The following LHFPL6 variants were observed in gnomAD, a reference collection of about 807,000 sequenced individuals.
The protein encoded by LHFPL6 is LHFPL tetraspan subfamily member 6, also known as LHFPL tetraspan subfamily member 6 protein.
LHFPL6 carries 9 observed loss-of-function variants against 20.6 expected under a neutral mutation model. That is an observed-to-expected ratio of 0.44 (90% CI 0.26 to 0.76). The LOEUF (loss-of-function observed/expected upper bound fraction) is 0.76. Ranked by LOEUF, LHFPL6 falls within the 30% of genes least tolerant of loss-of-function variation. The probability of loss-of-function intolerance (pLI) is 0.20; values close to 1 mark genes in which losing one functional copy is unlikely to be tolerated. For synonymous variants in LHFPL6, 105 were observed against 98.7 expected (o/e 1.06, Z -0.38); for missense variants, 218 against 253.5 (o/e 0.86, Z 0.95).
chr13:39,440,478 T>A (rs565495152), intron 2 of LHFPL6, among the ~76,000 whole-genome samples: 2 of 152,318 alleles, frequency 1.3e-5, no homozygotes, highest in African/African-American at 4.8e-5. Context: ...TAAAATTTTT[T>A]AAAATGCAAC....
At chr13:39,525,830 C>T (rs1417687575) in intron 2 of LHFPL6, among the ~76,000 whole-genome samples, 1 of 151,636 alleles carries the variant, frequency 6.6e-6, no homozygotes, top group Non-Finnish European at 1.5e-5. Context: ...AAATCATAAT[C>T]CTCATAAAAA....
intron 3 of LHFPL6, among the ~76,000 whole-genome samples, chr13:39,360,136 C>T (rs61469513): frequency 0.13 from 12,732 of 95,464 alleles, 4,503 homozygotes; most frequent in African/African-American, 0.16. Flanking sequence ...ATCTCCTGCC[C>T]CAGCCTCCAG....
chr13:39,469,078 C>T (rs1283434950), intron 2 of LHFPL6, among the ~76,000 whole-genome samples: 2 of 152,162 alleles, frequency 1.3e-5, no homozygotes, highest in Admixed American at 6.5e-5. Flanking sequence ...AACTATAAGG[C>T]ACCAGTCACC....
At chr13:39,395,474 A>T (rs1249331738) in intron 2 of LHFPL6, among the ~76,000 whole-genome samples, 2 of 152,196 alleles carry the variant, frequency 1.3e-5, no homozygotes, top group African/African-American at 4.8e-5. Context: ...TTATCTAAAA[A>T]ATATAATTCT....
chr13:39,380,364 G>A (rs1870406575), intron 2 of LHFPL6, among the ~76,000 whole-genome samples: 1 of 152,140 alleles, frequency 6.6e-6, no homozygotes. Context: ...GAACCAGTAT[G>A]GGTCCATGGT....
At chr13:39,483,422 A>G (rs1314145319) in intron 2 of LHFPL6, among the ~76,000 whole-genome samples, 1 of 151,944 alleles carries the variant, frequency 6.6e-6, no homozygotes, top group African/African-American at 2.4e-5. Context: ...TAACATAAAA[A>G]TGTCATATAT....
intron 2 of LHFPL6, among the ~76,000 whole-genome samples, chr13:39,514,239 G>T (rs146626636): frequency 6.6e-6 from 1 of 152,068 alleles, no homozygotes; most frequent in African/African-American, 2.4e-5. Context: ...TATTTCCCTG[G>T]TTATGAATGA....
At chr13:39,520,002 G>T (rs1433449804) in intron 2 of LHFPL6, among the ~76,000 whole-genome samples, 1 of 152,144 alleles carries the variant, frequency 6.6e-6, no homozygotes, top group Non-Finnish European at 1.5e-5. Context: ...CTTCCTAGAC[G>T]TGTACATTAG....
intron 3 of LHFPL6, among the ~76,000 whole-genome samples, chr13:39,361,838 C>T (rs1869878360): frequency 6.6e-6 from 1 of 151,978 alleles, no homozygotes; most frequent in African/African-American, 2.4e-5. Flanking sequence ...AATTGCATTG[C>T]CAGATAAGAG....
intron 2 of LHFPL6, among the ~76,000 whole-genome samples, chr13:39,380,838 C>T (rs1460250694): frequency 2.6e-5 from 4 of 152,058 alleles, no homozygotes; most frequent in Non-Finnish European, 5.9e-5. Context: ...GTGAACTATG[C>T]ATGCAAGGGA....
intron 2 of LHFPL6, among the ~76,000 whole-genome samples, chr13:39,402,802 A>G (rs1303534873): frequency 6.6e-6 from 1 of 152,248 alleles, no homozygotes; most frequent in African/African-American, 2.4e-5. Flanking sequence ...AATGGCATAA[A>G]GGCGTAGCCA....
chr13:39,445,470 C>G (rs1018247549), intron 2 of LHFPL6, among the ~76,000 whole-genome samples: 1 of 152,138 alleles, frequency 6.6e-6, no homozygotes, highest in Admixed American at 6.5e-5. Flanking sequence ...CTAAATTGGA[C>G]CTGACCCAAA....
chr13:39,541,588 T>C (rs957229118), intron 2 of LHFPL6, among the ~76,000 whole-genome samples: 10 of 152,196 alleles, frequency 6.6e-5, no homozygotes, highest in Admixed American at 6.5e-4. Flanking sequence ...ACTTTACTAA[T>C]TACTCCAGCT....
chr13:39,528,157 G>C (rs893208685), intron 2 of LHFPL6, among the ~76,000 whole-genome samples: 1 of 152,068 alleles, frequency 6.6e-6, no homozygotes, highest in Non-Finnish European at 1.5e-5. Flanking sequence ...CAAACAGATG[G>C]AATCTCTGGC....
intron 2 of LHFPL6, among the ~76,000 whole-genome samples, chr13:39,453,486 G>A (rs922621461): frequency 3.3e-5 from 5 of 152,088 alleles, no homozygotes; most frequent in African/African-American, 1.2e-4. Flanking sequence ...AAAATACTTT[G>A]TGTCATGTTT....
chr13:39,352,893 G>GTGTATATATATATATATGTATATATATT (rs1869613455), intron 3 of LHFPL6, among the ~76,000 whole-genome samples: 1 of 33,368 alleles, frequency 3.0e-5, no homozygotes, highest in African/African-American at 9.5e-5. Context: ...GTATATATAT[G>GTGTATATATATATATATGTATATATATT]TGTATATATA....
At chr13:39,408,149 GT>G (rs1187302470) in intron 2 of LHFPL6, among the ~76,000 whole-genome samples, 8 of 152,262 alleles carry the variant, frequency 5.3e-5, no homozygotes, top group African/African-American at 1.7e-4. Context: ...TCCCCAAAGT[GT>G]CAAAAACTAT....
intron 2 of LHFPL6, among the ~76,000 whole-genome samples, chr13:39,491,305 A>G (rs1474085052): frequency 6.6e-6 from 1 of 152,278 alleles, no homozygotes; most frequent in East Asian, 1.9e-4. Flanking sequence ...GGAAAATAGC[A>G]TTTCTGACAG....
At chr13:39,356,284 T>A (rs1484082949) in intron 3 of LHFPL6, among the ~76,000 whole-genome samples, 1 of 152,026 alleles carries the variant, frequency 6.6e-6, no homozygotes, top group Non-Finnish European at 1.5e-5. Flanking sequence ...GCATAAACAA[T>A]GAAATTAAGG....
Sources: gnomAD v4.1 joint callset for allele counts (sites outside exome capture counted in the v4.1 genomes callset) on GRCh38, gnomAD v4.1.1 for gene constraint, MANE v1.5 for transcripts, NCBI Gene and HGNC (gene_info 2026-07-23, HGNC 2026-07-21) for gene names.